Variants in PLEK observed in about 807,000 individuals in gnomAD.
PLEK encodes the protein platelet 47 kDa protein.
A neutral mutation model predicts 43.9 loss-of-function variants in PLEK; 25 were observed. That is an observed-to-expected ratio of 0.57 (90% CI 0.41 to 0.79). The LOEUF is 0.79. Among genes scored for constraint, PLEK ranks in the 30% least tolerant of loss-of-function variants. PLEK has a pLI of 0.00. For synonymous variants in PLEK, 152 were observed against 144.4 expected, an observed-to-expected ratio of 1.05 and a Z score of -0.38; for missense variants, 396 against 413.3, an observed-to-expected ratio of 0.96 and a Z score of 0.36.
intron 3 of PLEK, among the ~76,000 whole-genome samples, chr2:68,382,154 G>A (rs1353627622): frequency 6.6e-6 from 1 of 152,166 alleles, no homozygotes; most frequent in Admixed American, 6.5e-5. Context: ...ATTGGGATAT[G>A]AGGATTGAGG....
intron 6 of PLEK, among the ~76,000 whole-genome samples, chr2:68,392,102 TTTC>T (rs902832861): frequency 1.1e-4 from 17 of 150,182 alleles, no homozygotes; most frequent in South Asian, 2.1e-4. Context: ...CGTCACCTTC[TTTC>T]TTCTTCTTCT....
rs1458218289 is a variant in PLEK at position 68,394,170 on chromosome 2, T to C, written c.910T>C (p.Ser304Pro). The C allele has an allele frequency of 1.3e-6, 2 of 1,594,738 alleles. No individual in the cohort carries two copies. Among genetic ancestry groups the C allele is most frequent in the Non-Finnish European group, 1.7e-6 (2 of 1,162,432 alleles). ...TGTGGTGACTTCAGTGGAGAGCAAC[T>C]CAAATGGTAAGATGAATTTCTGTGT... Reference protein sequence around the residue: ...GCVVTSVESNSNGRKSEEENL... With the variant: ...GCVVTSVESNPNGRKSEEENL... The change falls in exon 8 of 9, where the codon TCA becomes CCA. Residue 304 changes from serine (S) to proline (P), a missense_variant. By Grantham distance (74) the Ser-to-Pro change is moderately conservative. Coordinates refer to ENST00000234313, the MANE Select transcript of PLEK (RefSeq NM_002664.3).
intron 1 of PLEK, among the ~76,000 whole-genome samples, chr2:68,379,648 C>A (rs1198789660): frequency 6.6e-6 from 1 of 151,854 alleles, no homozygotes; most frequent in Non-Finnish European, 1.5e-5. Flanking sequence ...ATGGTGTGAA[C>A]CCGACATGAA....
intron 1 of PLEK, among the ~76,000 whole-genome samples, chr2:68,368,203 CT>C (rs1435006153): frequency 6.6e-6 from 1 of 152,186 alleles, no homozygotes; most frequent in African/African-American, 2.4e-5. Flanking sequence ...CATTTTCCAG[CT>C]TTTTCATTCC....
intron 1 of PLEK, among the ~76,000 whole-genome samples, chr2:68,370,186 T>C (rs1192871664): frequency 6.6e-6 from 1 of 152,240 alleles, no homozygotes; most frequent in Non-Finnish European, 1.5e-5. Flanking sequence ...GTAATTTTCC[T>C]TTGAATTCCA....
chr2:68,367,439 A>G, intron 1 of PLEK, among the ~76,000 whole-genome samples: 1 of 152,134 alleles, frequency 6.6e-6, no homozygotes, highest in East Asian at 1.9e-4. Context: ...CCACTCTCAC[A>G]TAGCTTCCAG....
chr2:68,379,748 G>A (rs1392186121), intron 1 of PLEK, among the ~76,000 whole-genome samples: 3 of 152,140 alleles, frequency 2.0e-5, no homozygotes, highest in Non-Finnish European at 4.4e-5. Flanking sequence ...TTTCAATGAA[G>A]TGTGATAGCT....
At chr2:68,382,718 T>G in intron 4 of PLEK, 85 bp downstream of exon 4, 1 of 766,402 alleles carries the variant, frequency 1.3e-6, no homozygotes, top group East Asian at 2.5e-5. Context: ...GGTGGGGGTA[T>G]GAAGTATGGG....
chr2:68,377,574 G>C (rs1015908244), intron 1 of PLEK, among the ~76,000 whole-genome samples: 1 of 152,124 alleles, frequency 6.6e-6, no homozygotes, highest in African/African-American at 2.4e-5. Flanking sequence ...GTCTGCCTTT[G>C]AGACATGTCT....
chr2:68,375,341 C>T (rs770291708), intron 1 of PLEK, among the ~76,000 whole-genome samples: 2 of 152,106 alleles, frequency 1.3e-5, no homozygotes, highest in African/African-American at 4.8e-5. Flanking sequence ...TACTAAAGTG[C>T]CTGCTCGATA....
intron 3 of PLEK, 23 bp downstream of exon 3, chr2:68,380,927 C>T (rs1332107797): frequency 6.3e-7 from 1 of 1,596,376 alleles, no homozygotes; most frequent in Non-Finnish European, 8.6e-7. Flanking sequence ...GTTTACTTCT[C>T]TTTACCCATT....
rs114994441 is a variant in PLEK, at chr2:68,387,379, G to A, written c.657+693G>A. Among the ~76,000 whole-genome samples the A allele has an allele frequency of 2.3e-3, 344 of 152,312 alleles. 2 individuals are homozygous for A. Among genetic ancestry groups the A allele is most frequent in the African/African-American group, 7.9e-3 (328 of 41,566 alleles). On this transcript the variant is annotated intron_variant, in intron 5 of 8. Transcript: ENST00000234313. ...TACAGCCACGTAGACAAGCGTACTG[G>A]AGGGACAGGCAAAAATCCTGCCCTA...
intron 1 of PLEK, among the ~76,000 whole-genome samples, chr2:68,367,138 T>C (rs1301949722): frequency 6.6e-6 from 1 of 152,224 alleles, no homozygotes; most frequent in African/African-American, 2.4e-5. Flanking sequence ...TTTGTATTGA[T>C]AGTTTTACAA....
chr2:68,382,450 C>T (rs1673642564), intron 3 of PLEK, 92 bp from the exon 4 acceptor site: 1 of 734,330 alleles, frequency 1.4e-6, no homozygotes. Context: ...GCTCACCTCC[C>T]AGAGAGAACT....
At chr2:68,379,643 G>A (rs1673573160) in intron 1 of PLEK, among the ~76,000 whole-genome samples, 1 of 152,096 alleles carries the variant, frequency 6.6e-6, no homozygotes. Flanking sequence ...TCTTAATGGT[G>A]TGAACCCGAC....
At chr2:68,382,725 T>C (rs1673651646) in intron 4 of PLEK, 92 bp downstream of exon 4, 2 of 718,586 alleles carry the variant, frequency 2.8e-6, no homozygotes, top group Non-Finnish European at 2.5e-6. Context: ...GTATGAAGTA[T>C]GGGGGTTGGA....
intron 4 of PLEK, among the ~76,000 whole-genome samples, chr2:68,383,696 C>G (rs1673679063): frequency 6.6e-6 from 1 of 152,102 alleles, no homozygotes; most frequent in South Asian, 2.1e-4. Flanking sequence ...TTGTCAGATA[C>G]CAGGCCTGGC....
intron 1 of PLEK, among the ~76,000 whole-genome samples, chr2:68,374,253 A>G (rs1673461817): frequency 6.6e-6 from 1 of 152,226 alleles, no homozygotes; most frequent in African/African-American, 2.4e-5. Context: ...TAAGAAATTT[A>G]TTACTAATAA....
rs113219510 is a variant in PLEK at position 68,376,585 on chromosome 2, T to TGTTA, written c.43-3743_43-3742insGTTA. ...TATGTCTTATTTATTCAGTCTTATC[T>TGTTA]ATTAATAATGTGATCTTATTTTTAA... On this transcript the variant is annotated intron_variant, in intron 1 of 8. Coordinates refer to ENST00000234313, the MANE Select transcript of PLEK (RefSeq NM_002664.3). Among the ~76,000 whole-genome samples the TGTTA allele has an allele frequency of 1.7e-3, 250 of 151,446 alleles. 1 individual carries two copies. Among genetic ancestry groups the TGTTA allele is most frequent in the African/African-American group, 5.9e-3 (244 of 41,234 alleles).
Sources: gnomAD v4.1 joint callset for allele counts (sites outside exome capture counted in the v4.1 genomes callset) on GRCh38, gnomAD v4.1.1 for gene constraint, MANE v1.5 for transcripts, NCBI Gene and HGNC (gene_info 2026-07-23, HGNC 2026-07-21) for gene names.